EEPD1: variants seen among roughly 807,000 people sequenced by gnomAD.
EEPD1 encodes the protein endonuclease/exonuclease/phosphatase family domain containing 1, also known as endonuclease/exonuclease/phosphatase family domain-containing protein 1.
EEPD1 carries 17 observed loss-of-function variants against 46.3 expected under a neutral mutation model. The observed-to-expected ratio is 0.37, with a 90% CI of 0.25 to 0.55. The LOEUF (loss-of-function observed/expected upper bound fraction) is 0.55. Among genes scored for constraint, EEPD1 ranks in the 20% least tolerant of loss-of-function variants. EEPD1 has a pLI of 0.83. For synonymous variants in EEPD1, 313 were observed against 315.6 expected (o/e 0.99, Z 0.09); for missense variants, 673 against 745.6 (o/e 0.90, Z 1.13).
intron 2 of EEPD1, among the ~76,000 whole-genome samples, chr7:36,234,248 A>G (rs1032524695): frequency 5.9e-5 from 9 of 152,190 alleles, no homozygotes; most frequent in African/African-American, 2.2e-4. Flanking sequence ...GTGGTTTCTT[A>G]TAAGCCTTGA....
At chr7:36,271,869 C>G (rs373770636) in intron 3 of EEPD1, among the ~76,000 whole-genome samples, 35 of 17,152 alleles carry the variant, frequency 2.0e-3, no homozygotes, top group African/African-American at 3.7e-3. Context: ...CTATTCTATT[C>G]TATTCTATTC....
chr7:36,221,077 T>C (rs1270409467), intron 2 of EEPD1, among the ~76,000 whole-genome samples: 1 of 152,222 alleles, frequency 6.6e-6, no homozygotes, highest in Non-Finnish European at 1.5e-5. Flanking sequence ...CCAAAGTGTT[T>C]AGATTACAGG....
At chr7:36,253,073 TC>T (rs1228613107) in intron 3 of EEPD1, among the ~76,000 whole-genome samples, 5 of 151,564 alleles carry the variant, frequency 3.3e-5, no homozygotes, top group Non-Finnish European at 7.4e-5. Flanking sequence ...TTTGACATCT[TC>T]TTTACATCAG....
chr7:36,259,660 C>A (rs1410280305), intron 3 of EEPD1, among the ~76,000 whole-genome samples: 2 of 151,192 alleles, frequency 1.3e-5, no homozygotes, highest in Non-Finnish European at 3.0e-5. Flanking sequence ...CAGGCACACA[C>A]CACCATGCCC....
intron 2 of EEPD1, among the ~76,000 whole-genome samples, chr7:36,159,560 C>T (rs762233507): frequency 1.3e-5 from 2 of 152,202 alleles, no homozygotes; most frequent in African/African-American, 4.8e-5. Context: ...ACTTTCAAAG[C>T]GGAGGGATTA....
rs373157740 is a variant in EEPD1 at position 36,287,772 on chromosome 7, T to A, written c.1310T>A (p.Leu437Gln). The change falls in exon 6 of 8, where the codon CTG becomes CAG. Residue 437 changes from leucine (L) to glutamine (Q), a missense_variant. Transcript: ENST00000242108. ...TTTGCACAGACCCTACAGGAAACCC[T>A]GAAAGGTAGGACATTGTCTTTTGCT... ...ASFAQTLQET[L>Q]KGEKDVIILG... 11 of 1,613,692 alleles carry A rather than the reference T, an allele frequency of 6.8e-6. No individual in the cohort carries two copies. Among genetic ancestry groups the A allele is most frequent in the Non-Finnish European group, 9.3e-6 (11 of 1,179,744 alleles).
rs959118550 is a variant in EEPD1 at position 36,298,859 on chromosome 7, G to A, written c.1511-148G>A. 7 of 832,686 alleles carry A rather than the reference G, an allele frequency of 8.4e-6. No individual in the cohort carries two copies. The African/African-American group carries it at 1.2e-4, about 14-fold the overall frequency. 51.6% of individuals were successfully genotyped at this position (832,686 alleles called of 1,614,324 possible). A position where few individuals can be genotyped will look rare whatever the true frequency, so the allele number is the denominator to read the frequency against. On this transcript the variant is annotated intron_variant, in intron 7 of 7. Coordinates refer to ENST00000242108, the MANE Select transcript of EEPD1 (RefSeq NM_030636.3). ...AGACCTTTAATATGCACAGGCAAAT[G>A]CACAGGCACCTTCCAGCTACCTGAG... is the stretch of plus-strand genomic sequence containing the variant.
At chr7:36,272,510 T>TGG (rs1554321114) in intron 3 of EEPD1, among the ~76,000 whole-genome samples, 3 of 149,962 alleles carry the variant, frequency 2.0e-5, no homozygotes, top group African/African-American at 7.3e-5. Context: ...GTTGTTGTTT[T>TGG]TTTTTTTTTT....
intron 3 of EEPD1, among the ~76,000 whole-genome samples, chr7:36,275,611 G>GTGTATTT (rs976310426): frequency 1.3e-5 from 2 of 151,900 alleles, no homozygotes; most frequent in East Asian, 3.9e-4. Flanking sequence ...CACGCCTGGT[G>GTGTATTT]TGTATTTTGT....
intron 2 of EEPD1, among the ~76,000 whole-genome samples, chr7:36,189,175 G>A (rs1025603595): frequency 2.5e-5 from 3 of 122,194 alleles, no homozygotes; most frequent in African/African-American, 8.7e-5. Context: ...CACAAGCAGA[G>A]CCCACACAAG....
chr7:36,192,040 G>T (rs1785470389), intron 2 of EEPD1, among the ~76,000 whole-genome samples: 1 of 152,308 alleles, frequency 6.6e-6, no homozygotes, highest in Admixed American at 6.5e-5. Context: ...AAACCCCATA[G>T]GTTAAAATGT....
At chr7:36,153,809 G>A in intron 1 of EEPD1, 135 bp downstream of exon 1, 1 of 156,024 alleles carries the variant, frequency 6.4e-6, no homozygotes, top group Non-Finnish European at 1.4e-5. Context: ...AGGTGGAGTG[G>A]CCACCCCGTC....
intron 2 of EEPD1, among the ~76,000 whole-genome samples, chr7:36,216,107 G>T (rs1166879135): frequency 6.6e-6 from 1 of 152,224 alleles, no homozygotes; most frequent in Admixed American, 6.5e-5. Context: ...ATAGTAGTTA[G>T]ATTTGGGAAT....
rs1270040572 is a variant in EEPD1, at chr7:36,297,107, A to G, written c.1430A>G (p.Asn477Ser). The G allele has an allele frequency of 3.7e-6, 6 of 1,614,240 alleles. No individual in the cohort carries two copies. The highest frequency in any genetic ancestry group is 4.5e-5 in the East Asian group (2 of 44,884). The change falls in exon 7 of 8, where the codon AAC becomes AGC. Residue 477 changes from asparagine to serine, a missense_variant. By Grantham distance (46) the Asn-to-Ser change is conservative. Transcript: ENST00000242108. The part of the protein sequence containing the change: ...HHLIPAHTFT[N>S]ISTKNPQGSK... ...CTGATCCCCGCGCACACCTTCACCAACATCAGCACCAAGAACCCTCAAGGC... is the reference window on the plus strand; with the variant it reads ...CTGATCCCCGCGCACACCTTCACCAGCATCAGCACCAAGAACCCTCAAGGC...
chr7:36,210,975 C>G (rs546226206), intron 2 of EEPD1, among the ~76,000 whole-genome samples: 106 of 152,254 alleles, frequency 7.0e-4, no homozygotes, highest in African/African-American at 2.4e-3. Context: ...TGCTGTGTGC[C>G]CATCTAGGCA....
chr7:36,282,911 A>G (rs1787282858), intron 4 of EEPD1, among the ~76,000 whole-genome samples: 1 of 152,260 alleles, frequency 6.6e-6, no homozygotes, highest in Admixed American at 6.5e-5. Context: ...ATCCAAAAAA[A>G]TTTAAACACT....
chr7:36,223,019 C>T lies in EEPD1; in HGVS notation c.879-15966C>T, dbSNP rs376083441. ...TACAAAAATTAGGCAGGCGTGGTGG[C>T]GGGTGCCTGTAATCCCAGCTACTTG... On this transcript the variant is annotated intron_variant, in intron 2 of 7. Coordinates refer to ENST00000242108, the MANE Select transcript of EEPD1 (RefSeq NM_030636.3). Among the ~76,000 whole-genome samples, 147 of 151,980 alleles carry T rather than the reference C, an allele frequency of 9.7e-4. 5 individuals are homozygous for T. The South Asian group carries it at 0.029, about 30-fold the overall frequency.
intron 6 of EEPD1, among the ~76,000 whole-genome samples, chr7:36,288,613 T>G (rs1398268206): frequency 6.6e-6 from 1 of 151,678 alleles, no homozygotes; most frequent in Admixed American, 6.6e-5. Context: ...ACGAAAAAAA[T>G]TAGCCGGGCA....
chr7:36,221,626 G>A (rs920790103), intron 2 of EEPD1, among the ~76,000 whole-genome samples: 12 of 152,092 alleles, frequency 7.9e-5, no homozygotes, highest in Non-Finnish European at 1.8e-4. Context: ...TTTAGATCCT[G>A]TTTTTTTAAG....
Sources: gnomAD v4.1 joint callset for allele counts (sites outside exome capture counted in the v4.1 genomes callset) on GRCh38, gnomAD v4.1.1 for gene constraint, MANE v1.5 for transcripts, NCBI Gene and HGNC (gene_info 2026-07-23, HGNC 2026-07-21) for gene names.